Variants in EIF2AK2 observed in about 807,000 individuals in gnomAD.
EIF2AK2 encodes eukaryotic translation initiation factor 2 alpha kinase 2, also known as interferon-induced, double-stranded RNA-activated protein kinase.
A neutral mutation model predicts 70.5 loss-of-function variants in EIF2AK2; 40 were observed. The observed-to-expected ratio is 0.57, with a 90% CI of 0.44 to 0.74. The LOEUF is 0.74. EIF2AK2 is among the 30% of genes least tolerant of loss of function. The pLI is 0.00. For missense variants in EIF2AK2, 555 were observed against 644.3 expected (o/e 0.86, Z 1.50); for synonymous variants, 198 against 220.9 (o/e 0.90, Z 0.92).
intron 13 of EIF2AK2, 138 bp from the exon 14 acceptor site, chr2:37,114,997 T>G: frequency 2.3e-6 from 1 of 441,484 alleles, no homozygotes; most frequent in Non-Finnish European, 3.7e-6. Flanking sequence ...AATCAGGGAA[T>G]TTAATATGAC....
intron 11 of EIF2AK2, 59 bp downstream of exon 11, chr2:37,126,230 G>C: frequency 2.0e-6 from 3 of 1,503,050 alleles, no homozygotes; most frequent in Non-Finnish European, 2.7e-6. Context: ...GCATAAAAAA[G>C]AATAGTGCAG....
intron 4 of EIF2AK2, among the ~76,000 whole-genome samples, chr2:37,141,992 A>G (rs1675349373): frequency 6.6e-6 from 1 of 152,212 alleles, no homozygotes; most frequent in South Asian, 2.1e-4. Flanking sequence ...ATCTCAAAAA[A>G]CAAGGCAAGA....
intron 1 of EIF2AK2, among the ~76,000 whole-genome samples, chr2:37,154,592 C>T: frequency 6.6e-6 from 1 of 152,032 alleles, no homozygotes; most frequent in Non-Finnish European, 1.5e-5. Flanking sequence ...CAGAGTTTCG[C>T]TCTTGTTGCC....
At chr2:37,149,573 A>C (rs935519078) in intron 1 of EIF2AK2, among the ~76,000 whole-genome samples, 1 of 152,188 alleles carries the variant, frequency 6.6e-6, no homozygotes, top group Non-Finnish European at 1.5e-5. Flanking sequence ...CCATGGCACA[A>C]ATTTCAGTGA....
chr2:37,144,865 A>G (rs1407587629), intron 4 of EIF2AK2, among the ~76,000 whole-genome samples: 1 of 151,538 alleles, frequency 6.6e-6, no homozygotes, highest in African/African-American at 2.4e-5. Flanking sequence ...TACAGGCATG[A>G]ACCACCACAC....
intron 13 of EIF2AK2, among the ~76,000 whole-genome samples, chr2:37,116,327 C>T (rs527674813): frequency 4.0e-4 from 61 of 152,240 alleles, no homozygotes; most frequent in African/African-American, 1.5e-3. Flanking sequence ...TCAAGCGATC[C>T]TCCCACCTCA....
chr2:37,128,899 T>A (rs1283151632), intron 10 of EIF2AK2, among the ~76,000 whole-genome samples: 2 of 152,196 alleles, frequency 1.3e-5, no homozygotes, highest in Non-Finnish European at 2.9e-5. Flanking sequence ...AGGCAGTTAA[T>A]TATGAAAAGC....
At chr2:37,133,336 C>T (rs1040227697) in intron 10 of EIF2AK2, among the ~76,000 whole-genome samples, 9 of 152,200 alleles carry the variant, frequency 5.9e-5, no homozygotes, top group African/African-American at 2.2e-4. Context: ...AGCCCCACCT[C>T]TAACAACCCC....
At chr2:37,137,307 C>T (rs962486315) in intron 8 of EIF2AK2, among the ~76,000 whole-genome samples, 3 of 152,166 alleles carry the variant, frequency 2.0e-5, no homozygotes, top group Non-Finnish European at 4.4e-5. Flanking sequence ...CTCTGAATAT[C>T]TGTTTATACA....
chr2:37,145,906 C>T (rs956346441), intron 4 of EIF2AK2, among the ~76,000 whole-genome samples: 15 of 151,680 alleles, frequency 9.9e-5, no homozygotes, highest in Non-Finnish European at 1.5e-5. Flanking sequence ...GCGTCCACCA[C>T]CACGCCCAGC....
intron 10 of EIF2AK2, among the ~76,000 whole-genome samples, chr2:37,126,884 G>A (rs1472699246): frequency 7.1e-6 from 1 of 141,362 alleles, no homozygotes; most frequent in Admixed American, 7.7e-5. Flanking sequence ...TTGAATCTGG[G>A]AGGCAGAGGT....
intron 4 of EIF2AK2, among the ~76,000 whole-genome samples, chr2:37,144,718 C>A (rs1288758484): frequency 2.0e-5 from 3 of 151,956 alleles, no homozygotes; most frequent in Non-Finnish European, 4.4e-5. Context: ...GTAGCTGGAA[C>A]TACAGGCACA....
intron 14 of EIF2AK2, among the ~76,000 whole-genome samples, chr2:37,113,410 G>A (rs769973308): frequency 2.0e-5 from 3 of 148,242 alleles, no homozygotes; most frequent in Non-Finnish European, 4.4e-5. Flanking sequence ...CAGGAGAATT[G>A]CTTGAACCCG....
chr2:37,142,223 T>C (rs1472606042), intron 4 of EIF2AK2, among the ~76,000 whole-genome samples: 2 of 152,158 alleles, frequency 1.3e-5, no homozygotes, highest in African/African-American at 2.4e-5. Context: ...CTTGACCTCC[T>C]GGGTTCAAAC....
intron 1 of EIF2AK2, among the ~76,000 whole-genome samples, chr2:37,150,228 A>G (rs1675696035): frequency 1.3e-5 from 2 of 152,174 alleles, no homozygotes; most frequent in Non-Finnish European, 2.9e-5. Context: ...ACAAGCAATA[A>G]AAGGCTGGAA....
rs543860736 is a variant in EIF2AK2, at chr2:37,117,030, G to T, written c.1249-2171C>A. 9.9e-5 allele frequency among the ~76,000 whole-genome samples: 15 copies of T among 152,108 alleles called. No homozygotes were observed. The East Asian group carries it at 2.9e-3, about 29-fold the overall frequency. On this transcript the variant is annotated intron_variant, in intron 13 of 16. Coordinates refer to ENST00000233057, the MANE Select transcript of EIF2AK2 (RefSeq NM_001135651.3). ...AGTCCAAGGCCAACCTTGCCAACAT[G>T]GTGAAACCCTGTCTCTACTAAAAAT...
intron 11 of EIF2AK2, among the ~76,000 whole-genome samples, chr2:37,124,830 T>C (rs573303181): frequency 2.6e-5 from 4 of 151,502 alleles, no homozygotes; most frequent in East Asian, 1.9e-4. Context: ...TGGGCTCAAA[T>C]GGTCCTCCCA....
Position 37,146,897 on chromosome 2 carries a change from C to T in EIF2AK2, c.196G>A (p.Ala66Thr), listed in dbSNP as rs927044268. ...ATCTCAACAGCTAATTTGGCTGCGG[C>T]ATTTTTTGCTTCCTTCTTTGATCTA... ...EGRSKKEAKN[A>T]AAKLAVEILN... Residue 66 changes from alanine to threonine, a missense_variant, in exon 4 of 17, where the codon GCC (alanine) becomes ACC (threonine). Ala to Thr is a moderately conservative substitution (Grantham distance 58, BLOSUM62 0). Around this residue, in one of 3 missense-constraint regions of EIF2AK2, gnomAD observed 48 missense variants for 77.1 expected, o/e 0.62. Transcript: ENST00000233057. The T allele has an allele frequency of 6.2e-7, 1 of 1,613,900 alleles. No homozygotes were observed. The highest frequency in any genetic ancestry group is 1.3e-5 in the African/African-American group (1 of 75,040).
intron 1 of EIF2AK2, among the ~76,000 whole-genome samples, chr2:37,153,438 C>G (rs1675816986): frequency 1.3e-5 from 2 of 149,650 alleles, no homozygotes; most frequent in African/African-American, 2.5e-5. Flanking sequence ...ACTCTGGGCT[C>G]AAGCGATCCT....
Sources: allele counts gnomAD v4.1 joint callset (sites outside exome capture counted in the v4.1 genomes callset), GRCh38; gene constraint gnomAD v4.1.1; regional missense constraint gnomAD v4.1.1; transcripts MANE v1.5; gene names NCBI Gene and HGNC (gene_info 2026-07-23, HGNC 2026-07-21).